WWOX: variants seen among roughly 807,000 people sequenced by gnomAD.
WWOX encodes the protein WW domain-containing oxidoreductase.
A neutral mutation model predicts 46.2 loss-of-function variants in WWOX; 69 were observed. That is an observed-to-expected ratio of 1.49 (90% confidence interval 1.23 to 1.82). WWOX has a LOEUF of 1.82. Ranked by LOEUF, WWOX falls within the 40% of genes most tolerant of loss-of-function variation. WWOX has a pLI of 0.00. For missense variants in WWOX, 919 were observed against 542.6 expected (o/e 1.69, Z -6.89); for synonymous variants, 359 against 202.6 (o/e 1.77, Z -6.56).
chr16:78,740,883 C>G (rs2049206154), intron 8 of WWOX, among the ~76,000 whole-genome samples: 1 of 152,108 alleles, frequency 6.6e-6, no homozygotes, highest in African/African-American at 2.4e-5. Flanking sequence ...CCTTTGTCTA[C>G]TCACCAGCCC....
chr16:78,151,527 G>A (rs1274247359), intron 4 of WWOX, among the ~76,000 whole-genome samples: 1 of 152,166 alleles, frequency 6.6e-6, no homozygotes. Context: ...ACACTCTGAA[G>A]TGCTCCTCCT....
chr16:78,955,284 T>A (rs1438063769), intron 8 of WWOX, among the ~76,000 whole-genome samples: 1 of 152,136 alleles, frequency 6.6e-6, no homozygotes, highest in East Asian at 1.9e-4. Context: ...CCTCATGCCC[T>A]AAAATAGATA....
At chr16:78,700,181 T>G (rs1331802522) in intron 8 of WWOX, among the ~76,000 whole-genome samples, 1 of 144,024 alleles carries the variant, frequency 6.9e-6, no homozygotes, top group Non-Finnish European at 1.5e-5. Flanking sequence ...GGTGGCTTGA[T>G]TTTTTTTTTT....
intron 8 of WWOX, among the ~76,000 whole-genome samples, chr16:78,472,043 T>C (rs76196609): frequency 6.6e-6 from 1 of 152,242 alleles, no homozygotes; most frequent in Non-Finnish European, 1.5e-5. Flanking sequence ...GGTTAGGTGT[T>C]ATGATGCCAA....
intron 8 of WWOX, among the ~76,000 whole-genome samples, chr16:78,685,082 A>T (rs1030040526): frequency 6.6e-6 from 1 of 151,968 alleles, no homozygotes; most frequent in African/African-American, 2.4e-5. Flanking sequence ...ACCCTCTGAG[A>T]TCTTGCTTTT....
At chr16:78,681,934 G>A (rs1214911337) in intron 8 of WWOX, among the ~76,000 whole-genome samples, 3 of 152,156 alleles carry the variant, frequency 2.0e-5, no homozygotes, top group Non-Finnish European at 4.4e-5. Flanking sequence ...TGGGGCCCAG[G>A]AGTCTGCTTT....
At chr16:78,858,796 A>ACTT (rs1376393681) in intron 8 of WWOX, among the ~76,000 whole-genome samples, 2 of 151,464 alleles carry the variant, frequency 1.3e-5, no homozygotes, top group African/African-American at 4.9e-5. Flanking sequence ...CTCCCATCTC[A>ACTT]GCCTCCTCAG....
intron 8 of WWOX, among the ~76,000 whole-genome samples, chr16:78,963,006 C>G (rs962842799): frequency 6.6e-6 from 1 of 152,172 alleles, no homozygotes; most frequent in Admixed American, 6.5e-5. Context: ...ATCCTACCAA[C>G]AGTTTGTATT....
intron 6 of WWOX, among the ~76,000 whole-genome samples, chr16:78,389,722 C>G (rs1452960150): frequency 1.3e-5 from 2 of 152,020 alleles, no homozygotes; most frequent in Non-Finnish European, 2.9e-5. Context: ...AACTTGACCA[C>G]CGTACTATAC....
At chr16:78,107,441 A>G (rs1439111092) in intron 1 of WWOX, among the ~76,000 whole-genome samples, 1 of 152,208 alleles carries the variant, frequency 6.6e-6, no homozygotes, top group Non-Finnish European at 1.5e-5. Context: ...GCCAAGTGCT[A>G]TGCGAAACCC....
chr16:78,176,767 G>A (rs2035360709), intron 5 of WWOX, among the ~76,000 whole-genome samples: 1 of 152,134 alleles, frequency 6.6e-6, no homozygotes, highest in Admixed American at 6.5e-5. Flanking sequence ...TGAATTACAG[G>A]ATGCTTAAAA....
rs547816419 is a variant in WWOX at position 78,660,418 on chromosome 16, G to T, written c.1056+227666G>T. 9.5e-4 allele frequency among the ~76,000 whole-genome samples: 145 copies of T among 152,228 alleles called. 1 individual carries two copies. Among genetic ancestry groups the T allele is most frequent in the Non-Finnish European group, 5.0e-4 (34 of 68,018 alleles). Reference sequence around the variant, plus strand: ...ATATGCTTCCTGAGAGGTGGAAGGGGCCACTTAACACAGCTTTCATTTTTC... The same window carrying T: ...ATATGCTTCCTGAGAGGTGGAAGGGTCCACTTAACACAGCTTTCATTTTTC... On this transcript the variant is annotated intron_variant, in intron 8 of 8. Coordinates refer to ENST00000566780, the MANE Select transcript of WWOX (RefSeq NM_016373.4).
chr16:78,493,793 G>C (rs1049138492), intron 8 of WWOX, among the ~76,000 whole-genome samples: 3 of 152,172 alleles, frequency 2.0e-5, no homozygotes, highest in African/African-American at 7.2e-5. Flanking sequence ...AGAGCATAGA[G>C]GTGGAATTGT....
intron 8 of WWOX, among the ~76,000 whole-genome samples, chr16:78,973,309 T>A (rs1051955723): frequency 6.6e-6 from 1 of 152,146 alleles, no homozygotes; most frequent in African/African-American, 2.4e-5. Flanking sequence ...TGGGTACTTA[T>A]GTTCCCTAGT....
intron 5 of WWOX, among the ~76,000 whole-genome samples, chr16:78,187,018 GTA>G (rs1245276667): frequency 6.6e-6 from 1 of 152,140 alleles, no homozygotes; most frequent in African/African-American, 2.4e-5. Context: ...CTGTGTGTGT[GTA>G]GTTCTATGAA....
chr16:78,109,073 G>A (rs1338319920), intron 2 of WWOX, among the ~76,000 whole-genome samples: 1 of 152,176 alleles, frequency 6.6e-6, no homozygotes, highest in Admixed American at 6.5e-5. Context: ...TATCGTTGCA[G>A]TGTTTATAAA....
intron 8 of WWOX, among the ~76,000 whole-genome samples, chr16:78,729,054 G>C (rs1475943931): frequency 6.6e-6 from 1 of 152,072 alleles, no homozygotes; most frequent in African/African-American, 2.4e-5. Flanking sequence ...TATCCCTAAA[G>C]ACATCCTGCT....
intron 8 of WWOX, among the ~76,000 whole-genome samples, chr16:78,756,609 A>C (rs1057303030): frequency 2.6e-5 from 4 of 152,194 alleles, no homozygotes; most frequent in Non-Finnish European, 5.9e-5. Flanking sequence ...TTGGTTACTG[A>C]CGCTGTGTAC....
intron 8 of WWOX, among the ~76,000 whole-genome samples, chr16:78,544,498 A>T (rs2043974735): frequency 6.6e-6 from 1 of 152,216 alleles, no homozygotes; most frequent in Non-Finnish European, 1.5e-5. Context: ...AGAGCTGCTG[A>T]GTGGCAGAGT....
Sources: gnomAD v4.1 joint callset for allele counts (sites outside exome capture counted in the v4.1 genomes callset) on GRCh38, gnomAD v4.1.1 for gene constraint, MANE v1.5 for transcripts, NCBI Gene and HGNC (gene_info 2026-07-23, HGNC 2026-07-21) for gene names.